The following DNER variants were observed in gnomAD, a reference collection of about 807,000 sequenced individuals.
DNER encodes delta/notch like EGF repeat containing.
In DNER, 33 loss-of-function variants were observed where a neutral mutation model predicts 78.2. That is an observed-to-expected ratio of 0.42 (90% CI 0.32 to 0.56). The LOEUF is 0.56. Among genes scored for constraint, DNER ranks in the 20% least tolerant of loss-of-function variants. The pLI is 0.11. For synonymous variants in DNER, 417 were observed against 384.8 expected, an observed-to-expected ratio of 1.08 and a Z score of -0.98; for missense variants, 918 against 975.3, an observed-to-expected ratio of 0.94 and a Z score of 0.78.
intron 1 of DNER, among the ~76,000 whole-genome samples, chr2:229,648,709 A>T (rs1698761967): frequency 6.6e-6 from 1 of 152,236 alleles, no homozygotes; most frequent in African/African-American, 2.4e-5. Context: ...AGTCATTATG[A>T]TAACAAAAGC....
intron 8 of DNER, among the ~76,000 whole-genome samples, chr2:229,436,828 G>C (rs1202233400): frequency 2.0e-5 from 3 of 152,082 alleles, no homozygotes; most frequent in African/African-American, 7.2e-5. Flanking sequence ...GACCATTACC[G>C]GCCACTACAA....
At chr2:229,661,298 C>G (rs574533214) in intron 1 of DNER, among the ~76,000 whole-genome samples, 1 of 152,186 alleles carries the variant, frequency 6.6e-6, no homozygotes, top group South Asian at 2.1e-4. Context: ...TCCTGTACAC[C>G]AGTCCCCCAC....
At chr2:229,406,379 C>A (rs1209750993) in intron 10 of DNER, among the ~76,000 whole-genome samples, 1 of 152,096 alleles carries the variant, frequency 6.6e-6, no homozygotes, top group African/African-American at 2.4e-5. Context: ...AAAACATAGA[C>A]TTTGTCTTAC....
At chr2:229,609,176 T>TGG (rs1697999112) in intron 1 of DNER, among the ~76,000 whole-genome samples, 1 of 152,128 alleles carries the variant, frequency 6.6e-6, no homozygotes, top group Non-Finnish European at 1.5e-5. Flanking sequence ...TGAGCTAAGA[T>TGG]CACGCCACTG....
chr2:229,587,917 T>C (rs1318975202), intron 3 of DNER, among the ~76,000 whole-genome samples: 1 of 151,694 alleles, frequency 6.6e-6, no homozygotes, highest in African/African-American at 2.4e-5. Flanking sequence ...AACAAAACAC[T>C]CTCTTTGTAC....
intron 12 of DNER, 111 bp downstream of exon 12, chr2:229,366,762 C>T: frequency 6.7e-7 from 1 of 1,503,178 alleles, no homozygotes; most frequent in South Asian, 1.3e-5. Flanking sequence ...ACCTATTTTC[C>T]ATTCTTTAAA....
At chr2:229,379,600 C>T (rs1300016558) in intron 11 of DNER, among the ~76,000 whole-genome samples, 1 of 152,136 alleles carries the variant, frequency 6.6e-6, no homozygotes, top group Non-Finnish European at 1.5e-5. Flanking sequence ...ATATATTTAT[C>T]TTCATGAATC....
chr2:229,698,936 A>C (rs1699702350), intron 1 of DNER, among the ~76,000 whole-genome samples: 1 of 152,202 alleles, frequency 6.6e-6, no homozygotes, highest in Non-Finnish European at 1.5e-5. Flanking sequence ...AGAGGGTCAC[A>C]AAAACCCCTC....
intron 11 of DNER, among the ~76,000 whole-genome samples, chr2:229,387,358 G>C (rs1261576549): frequency 6.6e-6 from 1 of 151,952 alleles, no homozygotes; most frequent in African/African-American, 2.4e-5. Context: ...CATAGCATTA[G>C]GAGAAATACG....
At chr2:229,512,319 G>A (rs1695879696) in intron 6 of DNER, among the ~76,000 whole-genome samples, 1 of 148,932 alleles carries the variant, frequency 6.7e-6, no homozygotes, top group South Asian at 2.1e-4. Flanking sequence ...GGAGGCAGAG[G>A]TTGCAGTGAG....
intron 1 of DNER, among the ~76,000 whole-genome samples, chr2:229,631,283 G>A (rs527532869): frequency 6.6e-5 from 10 of 151,660 alleles, no homozygotes; most frequent in East Asian, 3.9e-4. Context: ...GCTAACTTAC[G>A]CATGGGGCTT....
At chr2:229,549,823 A>T (rs1270112956) in intron 4 of DNER, among the ~76,000 whole-genome samples, 1 of 151,780 alleles carries the variant, frequency 6.6e-6, no homozygotes, top group East Asian at 2.0e-4. Context: ...AGGCAGAAGA[A>T]TCGCTTGAAC....
intron 8 of DNER, among the ~76,000 whole-genome samples, chr2:229,446,667 G>A (rs1694349421): frequency 6.6e-6 from 1 of 152,226 alleles, no homozygotes; most frequent in African/African-American, 2.4e-5. Context: ...CTAGTGGGTT[G>A]TGCACACACA....
At chr2:229,681,239 T>C (rs1198666610) in intron 1 of DNER, among the ~76,000 whole-genome samples, 1 of 152,134 alleles carries the variant, frequency 6.6e-6, no homozygotes, top group Non-Finnish European at 1.5e-5. Flanking sequence ...AGAACACCAC[T>C]TATATAAGAA....
At chr2:229,384,533 AAG>A (rs2106333890) in intron 11 of DNER, among the ~76,000 whole-genome samples, 1 of 152,274 alleles carries the variant, frequency 6.6e-6, no homozygotes, top group South Asian at 2.1e-4. Context: ...CAAAGAAGAA[AAG>A]AGAGAAGAAT....
At chr2:229,597,083 GCACACATGCACACACACATGCACA>G (rs6147216) in intron 1 of DNER, among the ~76,000 whole-genome samples, 55,107 of 151,240 alleles carry the variant, frequency 0.36, 10,127 homozygotes, top group East Asian at 0.5. Flanking sequence ...AAACATGTGT[GCACACATGCACACACACATGCACA>G]CACACATGCA....
intron 5 of DNER, among the ~76,000 whole-genome samples, chr2:229,519,541 A>G (rs527787163): frequency 3.3e-5 from 5 of 152,196 alleles, no homozygotes; most frequent in Admixed American, 6.5e-5. Flanking sequence ...CATCTTAAGA[A>G]TTGAGAACAG....
intron 4 of DNER, among the ~76,000 whole-genome samples, chr2:229,554,952 A>G (rs1696830085): frequency 9.1e-6 from 1 of 109,806 alleles, no homozygotes; most frequent in South Asian, 3.6e-4. Flanking sequence ...AAGGGAAGGG[A>G]AGGGAAGGGA....
rs145674793 is a variant in DNER at position 229,371,001 on chromosome 2, T to C, written c.1856-3882A>G. On this transcript the variant is annotated intron_variant, in intron 11 of 12. Transcript: ENST00000341772. Reference sequence around the variant, plus strand: ...CTGACTGCTTGCATTTATGACCATCTGCTCCGTTTCCCAAAACTCTGTATT... The same window carrying C: ...CTGACTGCTTGCATTTATGACCATCCGCTCCGTTTCCCAAAACTCTGTATT... 4.7e-3 allele frequency among the ~76,000 whole-genome samples: 722 copies of C among 152,330 alleles called. 2 individuals carry two copies. Among genetic ancestry groups the C allele is most frequent in the Non-Finnish European group, 7.9e-3 (538 of 68,018 alleles).
Sources: gnomAD v4.1 joint callset for allele counts (sites outside exome capture counted in the v4.1 genomes callset) on GRCh38, gnomAD v4.1.1 for gene constraint, MANE v1.5 for transcripts, NCBI Gene and HGNC (gene_info 2026-07-23, HGNC 2026-07-21) for gene names.